The following KIAA0825 variants were observed in gnomAD, a reference collection of about 807,000 sequenced individuals.
KIAA0825 encodes the protein KIAA0825, also known as uncharacterized protein KIAA0825.
A neutral mutation model predicts 147.6 loss-of-function variants in KIAA0825; 119 were observed. That is an observed-to-expected ratio of 0.81 (90% CI 0.69 to 0.94). KIAA0825 has a LOEUF of 0.94. Among genes scored for constraint, KIAA0825 ranks in the 40% least tolerant of loss-of-function variants. KIAA0825 has a pLI of 0.00. For missense variants in KIAA0825, 1,381 were observed against 1,472.7 expected (o/e 0.94, Z 1.02); for synonymous variants, 470 against 518.1 (o/e 0.91, Z 1.26).
intron 20 of KIAA0825, among the ~76,000 whole-genome samples, chr5:94,363,071 AT>A (rs990774798): frequency 6.6e-6 from 1 of 152,224 alleles, no homozygotes; most frequent in African/African-American, 2.4e-5. Flanking sequence ...CAAAGACATC[AT>A]GCTGATGAGA....
At chr5:94,157,401 A>G (rs1767134581) in intron 20 of KIAA0825, among the ~76,000 whole-genome samples, 1 of 152,110 alleles carries the variant, frequency 6.6e-6, no homozygotes, top group African/African-American at 2.4e-5. Context: ...CTCCATCTGT[A>G]TGGCTCCTAG....
chr5:94,593,321 A>G, intron 1 of KIAA0825: 1 of 828,646 alleles, frequency 1.2e-6, no homozygotes, highest in Non-Finnish European at 2.1e-6. Flanking sequence ...AGGAACTTGG[A>G]AACCATCCAG....
chr5:94,345,725 A>C (rs1782905310), intron 20 of KIAA0825, among the ~76,000 whole-genome samples: 1 of 152,264 alleles, frequency 6.6e-6, no homozygotes, highest in South Asian at 2.1e-4. Context: ...CTATTGTAGC[A>C]GGACAAGCTG....
chr5:94,612,254 A>G (rs992437478), intron 1 of KIAA0825, among the ~76,000 whole-genome samples: 6 of 152,178 alleles, frequency 3.9e-5, no homozygotes, highest in African/African-American at 1.2e-4. Context: ...AAAATTCAAG[A>G]TTTGAAATTC....
chr5:94,446,713 T>C (rs1050876663), intron 13 of KIAA0825, among the ~76,000 whole-genome samples: 2 of 152,186 alleles, frequency 1.3e-5, no homozygotes, highest in Non-Finnish European at 2.9e-5. Flanking sequence ...TTTGTACATA[T>C]TTAAGGATAA....
chr5:94,347,394 G>A (rs1584202564), intron 20 of KIAA0825, among the ~76,000 whole-genome samples: 1 of 152,188 alleles, frequency 6.6e-6, no homozygotes, highest in Non-Finnish European at 1.5e-5. Context: ...CCCTCACGGA[G>A]TTCATTGCAC....
intron 20 of KIAA0825, among the ~76,000 whole-genome samples, chr5:94,154,566 TACTTGGATATACCTTAAGGGC>T (rs1169491803): frequency 1.3e-5 from 2 of 152,184 alleles, no homozygotes; most frequent in East Asian, 3.9e-4. Context: ...ACATCGAGGT[TACTTGGATATACCTTAAGGGC>T]AGGTCAGTGT....
intron 20 of KIAA0825, among the ~76,000 whole-genome samples, chr5:94,166,542 C>G (rs1768059997): frequency 7.8e-6 from 1 of 128,684 alleles, no homozygotes; most frequent in Non-Finnish European, 1.6e-5. Flanking sequence ...GAATCTCGCT[C>G]TGTCACCCAG....
At chr5:94,594,367 A>C in intron 1 of KIAA0825, 1 of 752,824 alleles carries the variant, frequency 1.3e-6, no homozygotes, top group Non-Finnish European at 2.4e-6. Context: ...CAGATTTATA[A>C]AATGTTAGCA....
intron 1 of KIAA0825, among the ~76,000 whole-genome samples, chr5:94,601,070 A>G (rs1786337732): frequency 6.6e-6 from 1 of 152,156 alleles, no homozygotes; most frequent in Non-Finnish European, 1.5e-5. Flanking sequence ...GCAGCACAGC[A>G]TGGCTGCTCT....
chr5:94,317,599 A>C (rs1277428383), intron 20 of KIAA0825, among the ~76,000 whole-genome samples: 6 of 151,856 alleles, frequency 4.0e-5, no homozygotes, highest in Middle Eastern at 3.2e-3. Flanking sequence ...CAAGAGACTT[A>C]GATTTGGAAT....
At chr5:94,158,114 C>T (rs1767206048) in intron 20 of KIAA0825, among the ~76,000 whole-genome samples, 1 of 152,094 alleles carries the variant, frequency 6.6e-6, no homozygotes, top group Non-Finnish European at 1.5e-5. Flanking sequence ...TGTAAACTTC[C>T]TAGATGAATC....
Position 94,465,059 on chromosome 5 carries a change from C to T in KIAA0825, c.1873G>A (p.Gly625Arg). The change falls in exon 11 of 21, where the codon GGG (glycine) becomes AGG (arginine). Residue 625 changes from glycine (G) to arginine (R), a missense_variant and splice_region_variant. Gly to Arg is a moderately radical substitution (Grantham distance 125, BLOSUM62 -2). Transcript: ENST00000682413. ...TGGATCGAGAAGGAACATCTTTCCC[C>T]CTGGCAAAGCCAGCACACGTTAAAC... is the stretch of plus-strand genomic sequence containing the variant. ...HWDDYKAFYEGERCSFSIQMW... is the reference protein window; with the variant it reads ...HWDDYKAFYERERCSFSIQMW... 6.4e-7 allele frequency: 1 copy of T among 1,550,854 alleles called. No individual in the cohort carries two copies. The highest frequency in any genetic ancestry group is 8.7e-7 in the Non-Finnish European group (1 of 1,146,480).
chr5:94,448,500 T>C (rs1430499442), intron 13 of KIAA0825, among the ~76,000 whole-genome samples: 2 of 152,126 alleles, frequency 1.3e-5, no homozygotes, highest in Non-Finnish European at 2.9e-5. Context: ...TTATTTAATG[T>C]TGCTAAAAGC....
At position 94,417,311 on chromosome 5, in the gene KIAA0825, G is replaced by A. The variant is rs1753596309; in HGVS notation, c.2552C>T (p.Ala851Val). Residue 851 changes from alanine to valine, a missense_variant, in exon 15 of 21, where the codon GCC (alanine) becomes GTC (valine). Physicochemically the swap from Ala to Val is moderately conservative, Grantham distance 64 (BLOSUM62 0). Coordinates refer to ENST00000682413, the MANE Select transcript of KIAA0825 (RefSeq NM_001145678.3). ...NLNQGPSLME[A>V]IFKILYHCSF... Reference sequence around the variant, plus strand: ...GCAATGGTACAATATTTTAAAGATGGCTTCCATCAAGCTGGGTCCTTGGTT... The same window carrying A: ...GCAATGGTACAATATTTTAAAGATGACTTCCATCAAGCTGGGTCCTTGGTT... The A allele has an allele frequency of 6.5e-7, 1 of 1,550,234 alleles. No individual in the cohort carries two copies. The highest frequency in any genetic ancestry group is 1.2e-5 in the South Asian group (1 of 83,982).
chr5:94,587,560 G>C (rs1783547728), intron 1 of KIAA0825, among the ~76,000 whole-genome samples: 1 of 152,110 alleles, frequency 6.6e-6, no homozygotes. Context: ...ACAAACAAAT[G>C]GAAGAACATT....
intron 20 of KIAA0825, among the ~76,000 whole-genome samples, chr5:94,187,838 A>C (rs1310996980): frequency 1.3e-5 from 2 of 152,228 alleles, no homozygotes; most frequent in Non-Finnish European, 2.9e-5. Context: ...TTAAGTTAAC[A>C]CAACAGCCTC....
chr5:94,297,738 G>A (rs1487932992), intron 20 of KIAA0825, among the ~76,000 whole-genome samples: 1 of 151,770 alleles, frequency 6.6e-6, no homozygotes, highest in Non-Finnish European at 1.5e-5. Flanking sequence ...TGGGATTACA[G>A]GCACCTGTCA....
intron 5 of KIAA0825, among the ~76,000 whole-genome samples, chr5:94,500,545 G>A: frequency 6.6e-6 from 1 of 152,216 alleles, no homozygotes; most frequent in Non-Finnish European, 1.5e-5. Context: ...GAGAAGCGGG[G>A]ATCCAGGGAA....
Sources: allele counts gnomAD v4.1 joint callset (sites outside exome capture counted in the v4.1 genomes callset), GRCh38; gene constraint gnomAD v4.1.1; transcripts MANE v1.5; gene names NCBI Gene and HGNC (gene_info 2026-07-23, HGNC 2026-07-21).